The following HIBADH variants were observed in gnomAD, a reference collection of about 807,000 sequenced individuals.
HIBADH encodes the protein 3-hydroxyisobutyrate dehydrogenase.
In HIBADH, 25 loss-of-function variants were observed where a neutral mutation model predicts 36.1. The ratio of observed to expected loss-of-function variants is 0.69; its 90% CI spans 0.50 to 0.97. The LOEUF (loss-of-function observed/expected upper bound fraction) is 0.97, where lower values mean the gene tolerates loss of function less well. HIBADH is among the 50% of genes least tolerant of loss of function. The pLI, the probability that HIBADH is intolerant of heterozygous loss-of-function variation, is 0.00. For synonymous variants in HIBADH, 160 were observed against 149.5 expected (o/e 1.07, Z -0.51); for missense variants, 421 against 418.0 (o/e 1.01, Z -0.06).
At chr7:27,620,078 T>C (rs879506704) in intron 4 of HIBADH, among the ~76,000 whole-genome samples, 2 of 152,182 alleles carry the variant, frequency 1.3e-5, no homozygotes, top group African/African-American at 2.4e-5. Flanking sequence ...CCCAACACTT[T>C]AGGAAGCCAA....
At chr7:27,625,918 A>G (rs755275759) in intron 4 of HIBADH, among the ~76,000 whole-genome samples, 4 of 151,994 alleles carry the variant, frequency 2.6e-5, no homozygotes, top group South Asian at 2.1e-4. Context: ...ACTGGCCAAC[A>G]TGGTGAAACC....
Position 27,649,934 on chromosome 7 carries a change from T to A in HIBADH, c.92-301A>T, listed in dbSNP as rs1156749565. ...TTTTAAAAGGCAAATTTTAAACTAA[T>A]GGACCTAACCACATTTAAAGTTATC... is the stretch of plus-strand genomic sequence containing the variant. On this transcript the variant is annotated intron_variant, in intron 1 of 7. Coordinates refer to ENST00000265395, the MANE Select transcript of HIBADH (RefSeq NM_152740.4). 2.6e-5 allele frequency among the ~76,000 whole-genome samples: 4 copies of A among 151,866 alleles called. No individual in the cohort carries two copies. The East Asian group carries it at 7.7e-4, about 29-fold the overall frequency.
intron 2 of HIBADH, among the ~76,000 whole-genome samples, chr7:27,641,222 A>G (rs556569020): frequency 4.6e-5 from 7 of 152,122 alleles, no homozygotes; most frequent in Non-Finnish European, 7.3e-5. Context: ...AAAAAACAAA[A>G]GCACTTCTTC....
At chr7:27,541,663 A>G (rs1784153532) in intron 5 of HIBADH, 25 of 380,414 alleles carry the variant, frequency 6.6e-5, no homozygotes, top group South Asian at 4.8e-4. Context: ...TTGTAATGTC[A>G]TGACTTTTCT....
intron 4 of HIBADH, among the ~76,000 whole-genome samples, chr7:27,552,889 G>A (rs992966715): frequency 6.6e-6 from 1 of 152,188 alleles, no homozygotes; most frequent in African/African-American, 2.4e-5. Flanking sequence ...ATAGAGCTCT[G>A]CATCAAAATA....
intron 4 of HIBADH, among the ~76,000 whole-genome samples, chr7:27,571,206 A>G (rs1184560684): frequency 2.1e-5 from 3 of 145,568 alleles, no homozygotes; most frequent in African/African-American, 7.8e-5. Context: ...ATCCTTATTC[A>G]TTTTCAATCT....
rs75533347 is a variant in HIBADH, at chr7:27,620,100, G to A, written c.484+9271C>T. Reference sequence around the variant, plus strand: ...CTTTAGGAAGCCAAGGTGGAGGAGCGCTTGAGCCCAGGAGTTTGAGATCAG... The same window carrying A: ...CTTTAGGAAGCCAAGGTGGAGGAGCACTTGAGCCCAGGAGTTTGAGATCAG... On this transcript the variant is annotated intron_variant, in intron 4 of 7. Transcript: ENST00000265395. Among the ~76,000 whole-genome samples, 395 of 152,194 alleles carry A rather than the reference G, an allele frequency of 2.6e-3. 3 individuals are homozygous for A. Among genetic ancestry groups the A allele is most frequent in the African/African-American group, 5.9e-3 (244 of 41,544 alleles).
intron 4 of HIBADH, among the ~76,000 whole-genome samples, chr7:27,617,077 T>TTCACTCATCAC (rs1554299222): frequency 6.9e-5 from 3 of 43,590 alleles, no homozygotes; most frequent in African/African-American, 2.9e-4. Flanking sequence ...GGCCTTCACA[T>TTCACTCATCAC]TCACTCACCG....
intron 4 of HIBADH, among the ~76,000 whole-genome samples, chr7:27,574,175 G>A (rs1784669139): frequency 6.8e-6 from 1 of 147,518 alleles, no homozygotes; most frequent in East Asian, 2.0e-4. Context: ...AGTCTGTGAT[G>A]GAAATACAGA....
intron 4 of HIBADH, among the ~76,000 whole-genome samples, chr7:27,597,285 T>C (rs554358850): frequency 3.9e-5 from 6 of 152,240 alleles, no homozygotes; most frequent in Admixed American, 2.6e-4. Flanking sequence ...ATGTATACCA[T>C]TGTATTCTCA....
intron 4 of HIBADH, among the ~76,000 whole-genome samples, chr7:27,544,804 A>C (rs1395652559): frequency 6.6e-6 from 1 of 152,230 alleles, no homozygotes; most frequent in African/African-American, 2.4e-5. Flanking sequence ...AAAAAAAATT[A>C]ATGCTGACAA....
chr7:27,538,354 T>A lies in HIBADH; in HGVS notation c.682A>T (p.Asn228Tyr), dbSNP rs748697999. 1.2e-6 allele frequency: 2 copies of A among 1,612,532 alleles called. No individual in the cohort carries two copies. Among genetic ancestry groups the A allele is most frequent in the South Asian group, 2.2e-5 (2 of 91,018 alleles). ...TATTCAACAAACCTGATTCCAAGATTCATAGCTTCAGCAGTTCCAATCATA... is the reference window on the plus strand; with the variant it reads ...TATTCAACAAACCTGATTCCAAGATACATAGCTTCAGCAGTTCCAATCATA... ...ISMIGTAEAM[N>Y]LGIRLGLDPK... Residue 228 changes from asparagine to tyrosine, a missense_variant, in exon 6 of 8, where the codon AAT (asparagine) becomes TAT (tyrosine). Transcript: ENST00000265395.
intron 4 of HIBADH, among the ~76,000 whole-genome samples, chr7:27,573,455 C>T (rs113166853): frequency 1.3e-5 from 2 of 152,130 alleles, no homozygotes; most frequent in African/African-American, 4.8e-5. Context: ...GATTAGACAT[C>T]GTCTAGACTA....
intron 4 of HIBADH, among the ~76,000 whole-genome samples, chr7:27,568,906 T>C (rs1215086763): frequency 9.2e-5 from 1 of 10,890 alleles, no homozygotes; most frequent in African/African-American, 1.1e-3. Context: ...TTCAGCCACC[T>C]TTTTTTTTTT....
In HIBADH at chr7:27,619,204, T is replaced by C. The variant is rs190503639; in HGVS notation, c.484+10167A>G. ...GAAATAACAGATACCAGAAAAGCTA[T>C]TTACAGCCAAGGAAACCATGCAGTG... On this transcript the variant is annotated intron_variant, in intron 4 of 7. Transcript: ENST00000265395. Among the ~76,000 whole-genome samples the C allele has an allele frequency of 2.0e-5, 3 of 152,288 alleles. No homozygotes were observed. The East Asian group carries it at 5.8e-4, about 29-fold the overall frequency.
Position 27,530,585 on chromosome 7 carries a change from G to A in HIBADH, c.852+607C>T, listed in dbSNP as rs560731228. Among the ~76,000 whole-genome samples the A allele has an allele frequency of 3.9e-5, 6 of 152,196 alleles. No homozygotes were observed. In the East Asian group the frequency reaches 1.2e-3, roughly 29 times the overall value. ...CCAACCCTCAACTGGGAGAAAATAA[G>A]CACTGCAGAAATCTGAAAGTTAGCT... On this transcript the variant is annotated intron_variant, in intron 7 of 7. Coordinates refer to ENST00000265395, the MANE Select transcript of HIBADH (RefSeq NM_152740.4).
intron 4 of HIBADH, among the ~76,000 whole-genome samples, chr7:27,624,612 A>T (rs756165743): frequency 9.2e-5 from 14 of 152,224 alleles, no homozygotes; most frequent in Non-Finnish European, 1.8e-4. Context: ...CCCTAAGGTC[A>T]CTAATTCTTC....
chr7:27,543,344 T>C (rs1411728055), intron 4 of HIBADH, among the ~76,000 whole-genome samples: 1 of 152,144 alleles, frequency 6.6e-6, no homozygotes, highest in Non-Finnish European at 1.5e-5. Flanking sequence ...CTCACCTTAA[T>C]CATTTTGGCA....
chr7:27,638,895 A>G (rs536151269), intron 2 of HIBADH, among the ~76,000 whole-genome samples: 1 of 152,346 alleles, frequency 6.6e-6, no homozygotes, highest in African/African-American at 2.4e-5. Context: ...ATGAGATACA[A>G]TATCACACCA....
Sources: allele counts gnomAD v4.1 joint callset (sites outside exome capture counted in the v4.1 genomes callset), GRCh38; gene constraint gnomAD v4.1.1; transcripts MANE v1.5; gene names NCBI Gene and HGNC (gene_info 2026-07-23, HGNC 2026-07-21).